The following EXOC4 variants were observed in gnomAD, a reference collection of about 807,000 sequenced individuals.
The protein encoded by EXOC4 is SEC8-like 1.
EXOC4 carries 71 observed loss-of-function variants against 107.2 expected under a neutral mutation model. The observed-to-expected ratio is 0.66, with a 90% confidence interval of 0.55 to 0.81. EXOC4 has a LOEUF of 0.81. Ranked by LOEUF, EXOC4 falls within the 30% of genes least tolerant of loss-of-function variation. The pLI, the probability that EXOC4 is intolerant of heterozygous loss-of-function variation, is 0.00. For synonymous variants in EXOC4, 456 were observed against 441.2 expected, an observed-to-expected ratio of 1.03 and a Z score of -0.42; for missense variants, 1,108 against 1,189.6, an observed-to-expected ratio of 0.93 and a Z score of 1.01.
chr7:133,487,087 G>C (rs1799282027), intron 9 of EXOC4, among the ~76,000 whole-genome samples: 1 of 152,136 alleles, frequency 6.6e-6, no homozygotes, highest in Non-Finnish European at 1.5e-5. Context: ...GATCCATGCA[G>C]TATTTTGTCT....
In EXOC4 at chr7:133,630,147, T is replaced by A; in HGVS notation, c.1514+6T>A. 1 of 1,595,636 alleles carries A rather than the reference T, an allele frequency of 6.3e-7. No homozygotes were observed. Among genetic ancestry groups the A allele is most frequent in the Non-Finnish European group, 8.6e-7 (1 of 1,163,244 alleles). On this transcript the variant is annotated splice_donor_region_variant and intron_variant, in intron 10 of 17. Coordinates refer to ENST00000253861, the MANE Select transcript of EXOC4 (RefSeq NM_021807.4). ...ATATTCCACCCATTACTAAGGTAAG[T>A]CAAGTGCTATGATATACTTACTGAA...
chr7:133,326,727 T>G (rs530398687), intron 5 of EXOC4, among the ~76,000 whole-genome samples: 7 of 152,312 alleles, frequency 4.6e-5, no homozygotes, highest in Admixed American at 2.0e-4. Flanking sequence ...CACTACAAAC[T>G]TCAAAGCTGT....
chr7:133,352,615 G>A (rs908160544), intron 5 of EXOC4, among the ~76,000 whole-genome samples: 1 of 151,734 alleles, frequency 6.6e-6, no homozygotes, highest in Non-Finnish European at 1.5e-5. Context: ...TCTTTTGGTT[G>A]GACAGTTTAA....
Position 133,635,874 on chromosome 7 carries a change from C to T in EXOC4, c.1514+5733C>T, listed in dbSNP as rs1278425077. Among the ~76,000 whole-genome samples, 8 of 152,128 alleles carry T rather than the reference C, an allele frequency of 5.3e-5. No homozygotes were observed. In the South Asian group the frequency reaches 1.2e-3, roughly 24 times the overall value. The stretch of plus-strand genomic sequence containing the variant: ...AATATCAGCTCTATGGGATCAGGGC[C>T]CTGCCATTGTGACCTCATTTGACCT... On this transcript the variant is annotated intron_variant, in intron 10 of 17. Coordinates refer to ENST00000253861, the MANE Select transcript of EXOC4 (RefSeq NM_021807.4).
chr7:133,346,855 T>A (rs954664942), intron 5 of EXOC4, among the ~76,000 whole-genome samples: 35 of 152,236 alleles, frequency 2.3e-4, no homozygotes, highest in Admixed American at 6.5e-4. Flanking sequence ...CAAGAGTTTC[T>A]ATAGTAAACA....
rs551358090 is a variant in EXOC4, at chr7:134,058,928, T to C, written c.2688-5363T>C. Among the ~76,000 whole-genome samples the C allele has an allele frequency of 5.9e-5, 9 of 152,298 alleles. No homozygotes were observed. In the South Asian group the frequency reaches 1.9e-3, roughly 32 times the overall value. ...TAATTGTAGTTCCTATTTAAAAGGATTGAAATGCACCTAAAAGCTAGACAT... is the reference window on the plus strand; with the variant it reads ...TAATTGTAGTTCCTATTTAAAAGGACTGAAATGCACCTAAAAGCTAGACAT... On this transcript the variant is annotated intron_variant, in intron 17 of 17. Transcript: ENST00000253861.
At chr7:133,725,999 G>T (rs1457924041) in intron 10 of EXOC4, among the ~76,000 whole-genome samples, 1 of 152,206 alleles carries the variant, frequency 6.6e-6, no homozygotes, top group Non-Finnish European at 1.5e-5. Flanking sequence ...GAAAGACTTG[G>T]ATAGAAGCAG....
chr7:133,754,329 G>A (rs1438887805), intron 10 of EXOC4, among the ~76,000 whole-genome samples: 4 of 152,180 alleles, frequency 2.6e-5, no homozygotes, highest in African/African-American at 9.7e-5. Context: ...CGAATTTGTG[G>A]CATTTGAGGT....
intron 9 of EXOC4, among the ~76,000 whole-genome samples, chr7:133,589,791 G>A (rs1346110233): frequency 6.6e-6 from 1 of 152,120 alleles, no homozygotes; most frequent in Non-Finnish European, 1.5e-5. Context: ...CCTCAAGATT[G>A]TCTTTTCCCT....
chr7:133,754,388 T>C (rs1013025699), intron 10 of EXOC4, among the ~76,000 whole-genome samples: 3 of 152,178 alleles, frequency 2.0e-5, no homozygotes, highest in African/African-American at 7.2e-5. Flanking sequence ...GGAATGCCTC[T>C]CAAGAGCTCA....
intron 9 of EXOC4, among the ~76,000 whole-genome samples, chr7:133,570,735 G>A (rs935676088): frequency 1.5e-4 from 23 of 152,152 alleles, no homozygotes; most frequent in Admixed American, 1.4e-3. Context: ...TTGATGTATG[G>A]TTTTTCGCAT....
rs527868705 is a variant in EXOC4, at chr7:133,370,091, C to T, written c.1008-4737C>T. On this transcript the variant is annotated intron_variant, in intron 6 of 17. Coordinates refer to ENST00000253861, the MANE Select transcript of EXOC4 (RefSeq NM_021807.4). The stretch of plus-strand genomic sequence containing the variant: ...ACAGGCGTGAGCCACTGTGCCTGGC[C>T]TCCTTCCAGATTTCTAATTTCACTT... 7.2e-5 allele frequency among the ~76,000 whole-genome samples: 11 copies of T among 152,070 alleles called. No homozygotes were observed. In the South Asian group the frequency reaches 1.0e-3, roughly 14 times the overall value.
intron 10 of EXOC4, among the ~76,000 whole-genome samples, chr7:133,696,977 C>G (rs181825699): frequency 4.5e-4 from 69 of 152,262 alleles, no homozygotes; most frequent in Admixed American, 9.2e-4. Flanking sequence ...TGTGTTAGTA[C>G]TGTTACCTGT....
chr7:133,471,304 C>T (rs190949291), intron 7 of EXOC4, among the ~76,000 whole-genome samples: 128 of 151,260 alleles, frequency 8.5e-4, no homozygotes, highest in African/African-American at 2.7e-3. Context: ...CCCTGCTACT[C>T]GGGAGGCTGA....
chr7:133,470,658 C>G (rs1206129358), intron 7 of EXOC4, among the ~76,000 whole-genome samples: 1 of 152,040 alleles, frequency 6.6e-6, no homozygotes, highest in African/African-American at 2.4e-5. Context: ...TCAATTTTGA[C>G]TATTATTTTT....
intron 10 of EXOC4, among the ~76,000 whole-genome samples, chr7:133,775,410 CAG>C (rs1209750628): frequency 1.3e-5 from 2 of 152,192 alleles, no homozygotes; most frequent in African/African-American, 4.8e-5. Context: ...GACAATCTCA[CAG>C]GGTGATCTGC....
intron 7 of EXOC4, among the ~76,000 whole-genome samples, chr7:133,417,416 C>CT (rs1386010958): frequency 6.6e-6 from 1 of 152,086 alleles, no homozygotes; most frequent in Non-Finnish European, 1.5e-5. Flanking sequence ...CAACTGAAAC[C>CT]TTTTTTACAC....
intron 1 of EXOC4, among the ~76,000 whole-genome samples, chr7:133,256,369 A>G (rs1795019871): frequency 6.6e-6 from 1 of 152,212 alleles, no homozygotes; most frequent in Non-Finnish European, 1.5e-5. Flanking sequence ...CCCAAAGGCT[A>G]TAGTTTTCCT....
chr7:133,973,074 T>C (rs1368715691), intron 14 of EXOC4, among the ~76,000 whole-genome samples: 1 of 152,202 alleles, frequency 6.6e-6, no homozygotes, highest in Non-Finnish European at 1.5e-5. Context: ...CAGGAAGTAT[T>C]TGTGGATAGT....
Sources: gnomAD v4.1 joint callset for allele counts (sites outside exome capture counted in the v4.1 genomes callset) on GRCh38, gnomAD v4.1.1 for gene constraint, MANE v1.5 for transcripts, NCBI Gene and HGNC (gene_info 2026-07-23, HGNC 2026-07-21) for gene names.